MAML3: variants seen among roughly 807,000 people sequenced by gnomAD.
MAML3 encodes mastermind like transcriptional coactivator 3.
A neutral mutation model predicts 101.9 loss-of-function variants in MAML3; 27 were observed. That is an observed-to-expected ratio of 0.27 (90% CI 0.20 to 0.37). The LOEUF is 0.37. MAML3 is among the 10% of genes least tolerant of loss of function. MAML3 has a pLI of 1.00. For missense variants in MAML3, 1,316 were observed against 1,444.9 expected (o/e 0.91, Z 1.45); for synonymous variants, 501 against 555.9 (o/e 0.90, Z 1.39).
At chr4:139,954,969 G>A (rs2110764736) in intron 1 of MAML3, among the ~76,000 whole-genome samples, 1 of 152,068 alleles carries the variant, frequency 6.6e-6, no homozygotes, top group South Asian at 2.1e-4. Context: ...TAATAATAAT[G>A]GGAAAGAAAG....
Position 139,740,995 on chromosome 4 carries a change from C to T in MAML3, c.2080-10328G>A, listed in dbSNP as rs561551094. Among the ~76,000 whole-genome samples, 12 of 152,272 alleles carry T rather than the reference C, an allele frequency of 7.9e-5. 1 individual carries two copies. In the South Asian group the frequency reaches 2.1e-3, roughly 26 times the overall value. On this transcript the variant is annotated intron_variant, in intron 2 of 4. Transcript: ENST00000509479. ...GTGTCAGCCTGCTCTGCCGGTTTCC[C>T]GACTGCTGAACCTGTCTGTGGGAAG...
chr4:139,904,748 T>C (rs912749476), intron 1 of MAML3, among the ~76,000 whole-genome samples: 2 of 134,148 alleles, frequency 1.5e-5, no homozygotes, highest in Non-Finnish European at 3.3e-5. Flanking sequence ...GATTTCATCA[T>C]TGTGTGAACA....
chr4:139,960,511 A>G lies in MAML3; in HGVS notation c.469-69544T>C, dbSNP rs116678617. On this transcript the variant is annotated intron_variant, in intron 1 of 4. Transcript: ENST00000509479. ...GATGTTCTGAGCCCAACCTATGGAG[A>G]CACGTTCCAATTTAGGCTGTGGGAT... Among the ~76,000 whole-genome samples the G allele has an allele frequency of 3.5e-3, 532 of 152,292 alleles. 1 individual carries two copies. Among genetic ancestry groups the G allele is most frequent in the African/African-American group, 0.012 (507 of 41,558 alleles).
chr4:140,021,423 A>G (rs1461727763), intron 1 of MAML3, among the ~76,000 whole-genome samples: 1 of 152,200 alleles, frequency 6.6e-6, no homozygotes, highest in Non-Finnish European at 1.5e-5. Context: ...GGGCCTACCT[A>G]ATGTGTGCCA....
At chr4:139,797,972 T>C (rs1191253465) in intron 2 of MAML3, among the ~76,000 whole-genome samples, 2 of 146,714 alleles carry the variant, frequency 1.4e-5, no homozygotes, top group Non-Finnish European at 3.0e-5. Context: ...ACCTGAAGTA[T>C]AAGAGTTGCT....
At chr4:139,825,435 G>C (rs1461608844) in intron 2 of MAML3, among the ~76,000 whole-genome samples, 1 of 152,206 alleles carries the variant, frequency 6.6e-6, no homozygotes, top group Non-Finnish European at 1.5e-5. Flanking sequence ...AAAGGATAAA[G>C]CAACTTCCTA....
intron 2 of MAML3, among the ~76,000 whole-genome samples, chr4:139,857,371 C>G (rs533146534): frequency 1.3e-5 from 2 of 152,088 alleles, no homozygotes; most frequent in Non-Finnish European, 2.9e-5. Flanking sequence ...CACCCCACCC[C>G]CTTCAAACCT....
At chr4:140,146,265 G>A (rs552696123) in intron 1 of MAML3, among the ~76,000 whole-genome samples, 4 of 152,138 alleles carry the variant, frequency 2.6e-5, no homozygotes, top group Admixed American at 2.0e-4. Flanking sequence ...GCGTGCATGC[G>A]GCCCTCAGAG....
intron 1 of MAML3, among the ~76,000 whole-genome samples, chr4:140,130,104 T>C (rs1728766438): frequency 6.6e-6 from 1 of 152,132 alleles, no homozygotes; most frequent in African/African-American, 2.4e-5. Context: ...AAAAGACGGA[T>C]AAGAAAGTTA....
chr4:140,152,720 C>T (rs1729196346), intron 1 of MAML3, 140 bp downstream of exon 1: 2 of 1,403,854 alleles, frequency 1.4e-6, no homozygotes, highest in Non-Finnish European at 1.9e-6. Flanking sequence ...GAAAAGTTGA[C>T]GTTAACCCTT....
intron 1 of MAML3, among the ~76,000 whole-genome samples, chr4:140,074,209 G>GAAAGAA (rs1340880604): frequency 7.7e-6 from 1 of 130,108 alleles, no homozygotes; most frequent in South Asian, 2.6e-4. Context: ...GAGAAAGAAA[G>GAAAGAA]AAAGAAAGAA....
chr4:140,059,484 T>C (rs866323091), intron 1 of MAML3, among the ~76,000 whole-genome samples: 1 of 152,252 alleles, frequency 6.6e-6, no homozygotes, highest in African/African-American at 2.4e-5. Context: ...TGACTGAGGA[T>C]GATTTAGGGC....
intron 1 of MAML3, among the ~76,000 whole-genome samples, chr4:140,067,335 C>A (rs1233398374): frequency 6.6e-6 from 1 of 151,940 alleles, no homozygotes; most frequent in Non-Finnish European, 1.5e-5. Context: ...TGACTTGAGC[C>A]CAGTTATCAA....
At chr4:139,956,908 C>G (rs1733926883) in intron 1 of MAML3, among the ~76,000 whole-genome samples, 2 of 152,210 alleles carry the variant, frequency 1.3e-5, no homozygotes, top group Non-Finnish European at 1.5e-5. Context: ...CCAATCCACA[C>G]ACACTGATTT....
intron 1 of MAML3, among the ~76,000 whole-genome samples, chr4:140,002,135 T>C (rs188198666): frequency 5.3e-5 from 8 of 152,324 alleles, no homozygotes; most frequent in African/African-American, 1.9e-4. Flanking sequence ...CACCACGTTG[T>C]ATAATAGATC....
intron 1 of MAML3, among the ~76,000 whole-genome samples, chr4:140,084,158 T>G (rs1727913825): frequency 6.6e-6 from 1 of 152,192 alleles, no homozygotes; most frequent in Non-Finnish European, 1.5e-5. Context: ...ATGATTACTA[T>G]TATCTGATAA....
intron 1 of MAML3, among the ~76,000 whole-genome samples, chr4:140,033,669 G>A (rs1006042397): frequency 6.6e-6 from 1 of 152,212 alleles, no homozygotes; most frequent in Non-Finnish European, 1.5e-5. Context: ...TACTAGCTCT[G>A]TGATCTTGGA....
intron 2 of MAML3, among the ~76,000 whole-genome samples, chr4:139,852,276 T>C (rs1731566924): frequency 6.6e-6 from 1 of 152,048 alleles, no homozygotes; most frequent in African/African-American, 2.4e-5. Flanking sequence ...GCAAATCAAC[T>C]TATGACCATG....
At chr4:140,034,629 C>A (rs1726956735) in intron 1 of MAML3, among the ~76,000 whole-genome samples, 1 of 152,186 alleles carries the variant, frequency 6.6e-6, no homozygotes, top group Admixed American at 6.5e-5. Flanking sequence ...GCACTGAGAT[C>A]TGGAATCAGA....
Sources: gnomAD v4.1 joint callset for allele counts (sites outside exome capture counted in the v4.1 genomes callset) on GRCh38, gnomAD v4.1.1 for gene constraint, MANE v1.5 for transcripts, NCBI Gene and HGNC (gene_info 2026-07-23, HGNC 2026-07-21) for gene names.